PAK4: variants seen among roughly 807,000 people sequenced by gnomAD.
PAK4 encodes the protein serine/threonine-protein kinase PAK 4.
Under a neutral mutation model 53.5 loss-of-function variants are expected in PAK4, and 49 were observed. That is an observed-to-expected ratio of 0.92 (90% CI 0.73 to 1.16). The LOEUF (loss-of-function observed/expected upper bound fraction) is 1.16. Among genes scored for constraint, PAK4 ranks in the 50% most tolerant of loss-of-function variants. The pLI, the probability that PAK4 is intolerant of heterozygous loss-of-function variation, is 0.00. For missense variants in PAK4, 824 were observed against 850.7 expected (o/e 0.97, Z 0.39); for synonymous variants, 376 against 375.6 (o/e 1.00, Z -0.01).
intron 1 of PAK4, among the ~76,000 whole-genome samples, chr19:39,129,164 C>G (rs994153697): frequency 5.9e-5 from 9 of 152,196 alleles, no homozygotes; most frequent in Middle Eastern, 6.8e-3. Context: ...CCACCTCAGC[C>G]TCTGGAGTAG....
At chr19:39,156,045 G>A (rs963275146) in intron 1 of PAK4, among the ~76,000 whole-genome samples, 11 of 152,018 alleles carry the variant, frequency 7.2e-5, no homozygotes, top group Non-Finnish European at 1.6e-4. Context: ...CACACCTCCC[G>A]GCCCTATTCT....
chr19:39,140,699 C>T (rs1001752076), intron 1 of PAK4, among the ~76,000 whole-genome samples: 1 of 152,180 alleles, frequency 6.6e-6, no homozygotes, highest in Non-Finnish European at 1.5e-5. Flanking sequence ...CCCCTTGCCT[C>T]CTCTCCCCCT....
chr19:39,166,757 C>T (rs2074382976), intron 1 of PAK4, among the ~76,000 whole-genome samples: 1 of 152,206 alleles, frequency 6.6e-6, no homozygotes, highest in South Asian at 2.1e-4. Flanking sequence ...CTCCCTCTTC[C>T]CAGGCCTGGC....
At chr19:39,166,692 C>A (rs58612933) in intron 1 of PAK4, among the ~76,000 whole-genome samples, 1,806 of 152,290 alleles carry the variant, frequency 0.012, 37 homozygotes, top group African/African-American at 0.04. Context: ...GGGAGCCCAG[C>A]CCCCACCCTT....
chr19:39,175,194 C>A lies in PAK4; in HGVS notation c.1233-118C>A. On this transcript the variant is annotated intron_variant, in intron 5 of 8. Coordinates refer to ENST00000358301, the Ensembl canonical transcript of PAK4. This position sits in a 1 kb window ranked among gnomAD's most constrained non-coding sequence, Gnocchi z 4.7. ...ATGGGGTCGTGTCTTCCATTCCTCCCACTCCAGAGTGGGGTCGAGTGGTCT... is the reference window on the plus strand; with the variant it reads ...ATGGGGTCGTGTCTTCCATTCCTCCAACTCCAGAGTGGGGTCGAGTGGTCT... 1 of 1,480,108 alleles carries A rather than the reference C, an allele frequency of 6.8e-7. No individual in the cohort carries two copies. Among genetic ancestry groups the A allele is most frequent in the Non-Finnish European group, 9.2e-7 (1 of 1,088,578 alleles). The allele number at this position is 1,480,108 out of a possible 1,614,324, so 91.7% of individuals were successfully genotyped here.
rs1205900408 is a variant in PAK4, at chr19:39,173,597, C to G, written c.685C>G (p.Pro229Ala). 1 of 1,528,444 alleles carries G rather than the reference C, an allele frequency of 6.5e-7. No individual in the cohort carries two copies. Among genetic ancestry groups the G allele is most frequent in the African/African-American group, 1.4e-5 (1 of 72,232 alleles). 94.7% of individuals were successfully genotyped at this position (1,528,444 alleles called of 1,614,324 possible). A position where few individuals can be genotyped will look rare whatever the true frequency, so the allele number is the denominator to read the frequency against. The change falls in exon 4 of 9, where the codon CCT (proline) becomes GCT (alanine). Residue 229 changes from proline to alanine, a missense_variant. Physicochemically the swap from Pro to Ala is conservative, Grantham distance 27. Coordinates refer to ENST00000358301, the Ensembl canonical transcript of PAK4. The surrounding 1 kb of genome is among the most constrained non-coding windows in gnomAD (Gnocchi z 6.9). ...TCAGGGGGAGCCTCATGACGTGGCC[C>G]CTAACGGGCCATCAGCGGGGGGCCT...
At chr19:39,140,210 C>T (rs912857889) in intron 1 of PAK4, among the ~76,000 whole-genome samples, 1 of 152,156 alleles carries the variant, frequency 6.6e-6, no homozygotes, top group Admixed American at 6.6e-5. Flanking sequence ...CCTCCCCTGG[C>T]AGAAACTTCC....
At chr19:39,153,829 C>T (rs1304653652) in intron 1 of PAK4, among the ~76,000 whole-genome samples, 1 of 152,048 alleles carries the variant, frequency 6.6e-6, no homozygotes, top group African/African-American at 2.4e-5. Flanking sequence ...GTAATCCTCC[C>T]GCCTCGGCAT....
intron 2 of PAK4, among the ~76,000 whole-genome samples, chr19:39,171,415 G>A (rs1370196120): frequency 6.6e-6 from 1 of 152,160 alleles, no homozygotes; most frequent in East Asian, 1.9e-4. Flanking sequence ...CGCCATTTTG[G>A]CCAGGCTGGT....
intron 1 of PAK4, among the ~76,000 whole-genome samples, chr19:39,149,121 T>C (rs563098815): frequency 6.6e-6 from 1 of 152,350 alleles, no homozygotes; most frequent in East Asian, 1.9e-4. Context: ...AATTACCTTG[T>C]GACCCAGCAA....
chr19:39,165,515 A>AAAATAAATAAATT (rs2074359016), intron 1 of PAK4, among the ~76,000 whole-genome samples: 1 of 135,042 alleles, frequency 7.4e-6, no homozygotes, highest in African/African-American at 2.7e-5. Context: ...ACTCCCTCTC[A>AAAATAAATAAATT]AAATAAATAA....
chr19:39,181,991 G>A (rs994415513), downstream of PAK4: 4 of 152,240 alleles, frequency 2.6e-5, no homozygotes, highest in African/African-American at 9.7e-5. Context: ...TGCCACCCCA[G>A]CTGCATCAGA....
chr19:39,140,114 T>C (rs2073886012), intron 1 of PAK4, among the ~76,000 whole-genome samples: 1 of 152,174 alleles, frequency 6.6e-6, no homozygotes, highest in South Asian at 2.1e-4. Context: ...TGTCTGGGCC[T>C]TCTCTGTTTC....
At chr19:39,132,026 C>G (rs564455889) in intron 1 of PAK4, among the ~76,000 whole-genome samples, 1 of 152,292 alleles carries the variant, frequency 6.6e-6, no homozygotes, top group Admixed American at 6.5e-5. Flanking sequence ...CCCTTGCACC[C>G]TGTCCCCCTC....
In PAK4 at chr19:39,161,416, C is replaced by T. The variant is rs1397006376; in HGVS notation, c.-22-8116C>T. ...GGCCAAGCCCCTGCCTATGAGCTCA[C>T]GCTGCAGCCCTCGGCCAGTCCTGCC... On this transcript the variant is annotated intron_variant, in intron 1 of 8. Coordinates refer to ENST00000358301, the Ensembl canonical transcript of PAK4. This position sits in a 1 kb window ranked among gnomAD's most constrained non-coding sequence, Gnocchi z 4.5. Among the ~76,000 whole-genome samples the T allele has an allele frequency of 6.6e-6, 1 of 152,152 alleles. No individual in the cohort carries two copies. Among genetic ancestry groups the T allele is most frequent in the Non-Finnish European group, 1.5e-5 (1 of 68,004 alleles).
intron 1 of PAK4, among the ~76,000 whole-genome samples, chr19:39,139,895 G>A (rs17722300): frequency 0.24 from 35,933 of 152,016 alleles, 4,533 homozygotes; most frequent in East Asian, 0.39. Context: ...TGCAGGAATG[G>A]CAACAAATGT....
chr19:39,136,757 G>C lies in PAK4; in HGVS notation c.-23+10838G>C, dbSNP rs186623478. On this transcript the variant is annotated intron_variant, in intron 1 of 8. Transcript: ENST00000358301. Reference sequence around the variant, plus strand: ...GGTAGTCTCTCAGTAAATGCTGGTTGACTGACTGACTGACTGACTGACTGA... The same window carrying C: ...GGTAGTCTCTCAGTAAATGCTGGTTCACTGACTGACTGACTGACTGACTGA... Among the ~76,000 whole-genome samples the C allele has an allele frequency of 1.6e-3, 238 of 150,152 alleles. 1 individual carries two copies. Among genetic ancestry groups the C allele is most frequent in the African/African-American group, 5.7e-3 (226 of 39,594 alleles).
At chr19:39,141,134 T>C (rs2073902376) in intron 1 of PAK4, among the ~76,000 whole-genome samples, 1 of 152,178 alleles carries the variant, frequency 6.6e-6, no homozygotes, top group Non-Finnish European at 1.5e-5. Flanking sequence ...TCTCGCGCCC[T>C]CCTGGGGTCC....
At chr19:39,140,226 T>G (rs1246029552) in intron 1 of PAK4, among the ~76,000 whole-genome samples, 1 of 152,144 alleles carries the variant, frequency 6.6e-6, no homozygotes, top group Non-Finnish European at 1.5e-5. Context: ...CTTCCCAGAT[T>G]TCTGTGTTTT....
Sources: gnomAD v4.1 joint callset for allele counts (sites outside exome capture counted in the v4.1 genomes callset) on GRCh38, gnomAD v4.1.1 for gene constraint, Gnocchi (gnomAD v3.1) non-coding constraint, MANE v1.5 for transcripts, NCBI Gene and HGNC (gene_info 2026-07-23, HGNC 2026-07-21) for gene names.